Variants in SYNE3 observed in about 807,000 individuals in gnomAD.
The protein encoded by SYNE3 is spectrin repeat containing nuclear envelope family member 3, also known as nesprin-3.
In SYNE3, 100 loss-of-function variants were observed where a neutral mutation model predicts 111.2. The ratio of observed to expected loss-of-function variants is 0.90; its 90% CI spans 0.77 to 1.06. The LOEUF is 1.06. Among genes scored for constraint, SYNE3 ranks in the 50% least tolerant of loss-of-function variants. SYNE3 has a pLI of 0.00. For synonymous variants in SYNE3, 547 were observed against 533.9 expected (o/e 1.02, Z -0.34); for missense variants, 1,160 against 1,240.3 (o/e 0.94, Z 0.97).
intron 1 of SYNE3, 67 bp from the exon 2 acceptor site, chr14:95,475,902 A>G: frequency 1.5e-6 from 2 of 1,352,904 alleles, no homozygotes; most frequent in South Asian, 1.9e-5. Context: ...GACCCCCGGC[A>G]GGACACCTGG....
At chr14:95,465,751 G>A (rs1888123401) in intron 4 of SYNE3, among the ~76,000 whole-genome samples, 180 bp downstream of exon 4, 1 of 152,082 alleles carries the variant, frequency 6.6e-6, no homozygotes, top group African/African-American at 2.4e-5. Context: ...TGAGTAGGTA[G>A]ACAGATGGAT....
At chr14:95,516,558 CGGCCCCA>C (rs1389885442) in intron 1 of SYNE3, among the ~76,000 whole-genome samples, 31 bp downstream of exon 1, 13 of 150,354 alleles carry the variant, frequency 8.6e-5, no homozygotes, top group Admixed American at 5.9e-4. Flanking sequence ...CCCCGGCCCC[CGGCCCCA>C]GGCCTGGCCT....
At chr14:95,488,998 C>T (rs1250379084) in intron 1 of SYNE3, among the ~76,000 whole-genome samples, 1 of 152,176 alleles carries the variant, frequency 6.6e-6, no homozygotes, top group East Asian at 1.9e-4. Context: ...GGATCTCCTC[C>T]TTGAAAGCTC....
chr14:95,448,285 T>C (rs1324263524), intron 8 of SYNE3, among the ~76,000 whole-genome samples: 2 of 151,884 alleles, frequency 1.3e-5, no homozygotes, highest in Non-Finnish European at 2.9e-5. Flanking sequence ...CACTCCAGGA[T>C]GCCCTGAGGA....
chr14:95,511,817 G>A (rs1678745447), intron 1 of SYNE3, among the ~76,000 whole-genome samples: 1 of 152,122 alleles, frequency 6.6e-6, no homozygotes, highest in African/African-American at 2.4e-5. Context: ...CCCTAAGGAG[G>A]AGCCTTGTGA....
chr14:95,494,896 T>A (rs1032417745), intron 1 of SYNE3, among the ~76,000 whole-genome samples: 1 of 151,238 alleles, frequency 6.6e-6, no homozygotes, highest in Non-Finnish European at 1.5e-5. Flanking sequence ...GTGGATCGCC[T>A]GAGGTCAGGC....
chr14:95,469,359 A>G (rs1888381730), intron 2 of SYNE3, among the ~76,000 whole-genome samples: 1 of 151,886 alleles, frequency 6.6e-6, no homozygotes, highest in East Asian at 1.9e-4. Context: ...CAACGATAAC[A>G]GTCTCTGCTT....
intron 11 of SYNE3, among the ~76,000 whole-genome samples, chr14:95,440,912 C>T (rs1371426003): frequency 1.3e-5 from 2 of 152,212 alleles, no homozygotes; most frequent in African/African-American, 4.8e-5. Flanking sequence ...CTCAGATATT[C>T]ACGTTCAGTC....
intron 4 of SYNE3, among the ~76,000 whole-genome samples, chr14:95,462,369 A>C (rs1887887407): frequency 6.6e-6 from 1 of 152,212 alleles, no homozygotes; most frequent in Non-Finnish European, 1.5e-5. Context: ...ATGAGGGGCC[A>C]TGGCCTTCAG....
intron 14 of SYNE3, chr14:95,437,716 G>A (rs1317016578): frequency 6.6e-6 from 1 of 152,200 alleles, no homozygotes; most frequent in Non-Finnish European, 1.5e-5. Context: ...GCCTGTGGAT[G>A]CCACTCCCTT....
rs891832563 is a variant in SYNE3 at position 95,430,044 on chromosome 14, T to TA, written c.2727+2034dup. On this transcript the variant is annotated intron_variant, in intron 17 of 17. Transcript: ENST00000682763. ...GGAGGGTAGAGACAGCAATGAACGC[T>TA]ATGGCTGTGAACATACCACAGTAAC... 1.5e-5 allele frequency: 10 copies of TA among 669,728 alleles called. No individual in the cohort carries two copies. In the African/African-American group the frequency reaches 1.7e-4, roughly 12 times the overall value. 41.5% of individuals were successfully genotyped at this position (669,728 alleles called of 1,614,324 possible). A position where few individuals can be genotyped will look rare whatever the true frequency, so the allele number is the denominator to read the frequency against.
In SYNE3 at chr14:95,491,171, A is replaced by T. The variant is rs141930011; in HGVS notation, c.-14-15336T>A. ...GGTAAGCCTCACGGGATGACAGGAC[A>T]TTCCAGTGAGCCAATGAAAGATTCT... On this transcript the variant is annotated intron_variant, in intron 1 of 17. Transcript: ENST00000682763. Among the ~76,000 whole-genome samples, 350 of 152,276 alleles carry T rather than the reference A, an allele frequency of 2.3e-3. 2 individuals carry two copies. Among genetic ancestry groups the T allele is most frequent in the African/African-American group, 8.2e-3 (340 of 41,570 alleles).
In SYNE3 at chr14:95,411,886, T is replaced by G. The variant is rs4905298; in HGVS notation, c.*5940A>C. 1 of 152,210 alleles carries G rather than the reference T, an allele frequency of 6.6e-6. No individual in the cohort carries two copies. Among genetic ancestry groups the G allele is most frequent in the Non-Finnish European group, 1.5e-5 (1 of 68,074 alleles). 9.4% of individuals were successfully genotyped at this position (152,210 alleles called of 1,614,324 possible). A position where few individuals can be genotyped will look rare whatever the true frequency, so the allele number is the denominator to read the frequency against. ...ACACGCCAACCCAGATGATCCCCAGTGGGGAAAAGTGGGCTTCTCAGTTTG... is the reference window on the plus strand; with the variant it reads ...ACACGCCAACCCAGATGATCCCCAGGGGGGAAAAGTGGGCTTCTCAGTTTG... On this transcript the variant is annotated 3_prime_UTR_variant, in exon 18 of 18. Transcript: ENST00000682763.
rs57342194 is a variant in SYNE3, at chr14:95,413,248, A to G, written c.*4578T>C. On this transcript the variant is annotated 3_prime_UTR_variant, in exon 18 of 18. Coordinates refer to ENST00000682763, the MANE Select transcript of SYNE3 (RefSeq NM_152592.6). ...CTCCTCTCACCCTCAAATTGTGGTA[A>G]AATAAACATAACATAAAATTTAGCA... 0.5 allele frequency: 75,093 copies of G among 150,064 alleles called. 19,031 individuals carry two copies. Among genetic ancestry groups the G allele is most frequent in the East Asian group, 0.62 (3,149 of 5,098 alleles). 9.3% of individuals were successfully genotyped at this position (150,064 alleles called of 1,614,324 possible).
At chr14:95,469,486 G>A (rs1472162150) in intron 2 of SYNE3, among the ~76,000 whole-genome samples, 1 of 150,044 alleles carries the variant, frequency 6.7e-6, no homozygotes, top group Non-Finnish European at 1.5e-5. Context: ...CTCGAGCTTA[G>A]GAGTTTGAGA....
chr14:95,509,369 C>T (rs759959221), intron 1 of SYNE3, among the ~76,000 whole-genome samples: 3 of 152,108 alleles, frequency 2.0e-5, no homozygotes, highest in Admixed American at 6.5e-5. Flanking sequence ...CAGCTGGGAA[C>T]GTGGGACCTA....
chr14:95,485,088 C>G lies in SYNE3; in HGVS notation c.-14-9253G>C, dbSNP rs949725064. On this transcript the variant is annotated intron_variant, in intron 1 of 17. Transcript: ENST00000682763. The surrounding 1 kb of genome is among the most constrained non-coding windows in gnomAD (Gnocchi z 4.3). ...GGGCTTGGAGGATGTCTCAGCCTCC[C>G]GTAGATGAGAACAGATGATTCTAAC... Among the ~76,000 whole-genome samples, 18 of 152,064 alleles carry G rather than the reference C, an allele frequency of 1.2e-4. No homozygotes were observed. The highest frequency in any genetic ancestry group is 4.3e-4 in the African/African-American group (18 of 41,412).
At chr14:95,466,510 C>T (rs1888188855) in intron 3 of SYNE3, among the ~76,000 whole-genome samples, 1 of 152,138 alleles carries the variant, frequency 6.6e-6, no homozygotes, top group South Asian at 2.1e-4. Flanking sequence ...AAACTTCCTC[C>T]CAGAACCACC....
At chr14:95,466,936 T>C (rs142631076) in intron 3 of SYNE3, among the ~76,000 whole-genome samples, 59 of 152,290 alleles carry the variant, frequency 3.9e-4, no homozygotes, top group African/African-American at 1.3e-3. Context: ...TCTGCATCTG[T>C]GGGCTCGTTG....
Sources: allele counts gnomAD v4.1 joint callset (sites outside exome capture counted in the v4.1 genomes callset), GRCh38; gene constraint gnomAD v4.1.1; non-coding constraint Gnocchi (gnomAD v3.1); transcripts MANE v1.5; gene names NCBI Gene and HGNC (gene_info 2026-07-23, HGNC 2026-07-21).